Variants in USP43 observed in about 807,000 individuals in gnomAD.
The protein encoded by USP43 is ubiquitin carboxyl-terminal hydrolase 43.
In USP43, 33 loss-of-function variants were observed where a neutral mutation model predicts 90.7. The ratio of observed to expected loss-of-function variants is 0.36; its 90% confidence interval spans 0.28 to 0.49. The LOEUF (loss-of-function observed/expected upper bound fraction) is 0.49, where lower values mean the gene tolerates loss of function less well. Ranked by LOEUF, USP43 falls within the 20% of genes least tolerant of loss-of-function variation. The pLI is 0.98. For missense variants in USP43, 1,274 were observed against 1,476.4 expected (o/e 0.86, Z 2.25); for synonymous variants, 598 against 615.8 (o/e 0.97, Z 0.43).
intron 8 of USP43, among the ~76,000 whole-genome samples, chr17:9,691,998 CACAA>C (rs112376471): frequency 0.04 from 6,101 of 151,046 alleles, 386 homozygotes; most frequent in African/African-American, 0.14. Flanking sequence ...GCTGAGATCA[CACAA>C]CTGCACTCCA....
At chr17:9,682,582 A>G (rs755779005) in intron 6 of USP43, among the ~76,000 whole-genome samples, 2 of 152,206 alleles carry the variant, frequency 1.3e-5, no homozygotes, top group African/African-American at 2.4e-5. Flanking sequence ...TTAAACAAAC[A>G]AAAAACTATT....
rs565303434 is a variant in USP43, at chr17:9,650,963, C to A, written c.504+4827C>A. ...ATGGACACTGGACCCAGCGTGCAGT[C>A]TTTCATCCTTCACCCGTCTCCTACC... On this transcript the variant is annotated intron_variant, in intron 1 of 14. Coordinates refer to ENST00000285199, the MANE Select transcript of USP43 (RefSeq NM_153210.5). Among the ~76,000 whole-genome samples the A allele has an allele frequency of 1.7e-4, 26 of 152,288 alleles. No individual in the cohort carries two copies. The South Asian group carries it at 5.0e-3, about 29-fold the overall frequency.
intron 1 of USP43, among the ~76,000 whole-genome samples, chr17:9,648,534 G>A (rs183087917): frequency 9.8e-5 from 15 of 152,308 alleles, no homozygotes; most frequent in Admixed American, 7.2e-4. Flanking sequence ...TGCTATGACA[G>A]TTACAGCAGG....
In USP43 at chr17:9,728,608, C is replaced by T. The variant is rs376374120; in HGVS notation, c.2990C>T (p.Thr997Ile). ...ELDRPLQGTL[T>I]LLRSVFRKKE... ...GACAGACCCCTGCAGGGGACACTCA[C>T]CCTTCTGAGGTCCGTGTTTCGGAAG... The change falls in exon 15 of 15, where the codon ACC (threonine) becomes ATC (isoleucine). Residue 997 changes from threonine (T) to isoleucine (I), a missense_variant. Physicochemically the swap from Thr to Ile is moderately conservative, Grantham distance 89. Around this residue, in one of 6 missense-constraint regions of USP43, gnomAD observed 353 missense variants for 329.7 expected, o/e 1.07. Coordinates refer to ENST00000285199, the MANE Select transcript of USP43 (RefSeq NM_153210.5). This position sits in a 1 kb window ranked among gnomAD's most constrained non-coding sequence, Gnocchi z 6.2. The T allele has an allele frequency of 2.5e-6, 4 of 1,613,728 alleles. No homozygotes were observed. The highest frequency in any genetic ancestry group is 2.5e-6 in the Non-Finnish European group (3 of 1,179,842).
chr17:9,659,145 CT>C (rs1184635317), intron 2 of USP43, among the ~76,000 whole-genome samples: 2 of 152,178 alleles, frequency 1.3e-5, no homozygotes, highest in Admixed American at 1.3e-4. Context: ...GTCTACTATA[CT>C]GTGTATTCCA....
intron 14 of USP43, among the ~76,000 whole-genome samples, chr17:9,725,383 A>G (rs548458932): frequency 2.0e-5 from 3 of 152,162 alleles, no homozygotes; most frequent in South Asian, 2.1e-4. Context: ...TGTGTTCAGC[A>G]TCTGTCTCCC....
At chr17:9,682,710 C>T in intron 6 of USP43, 113 bp from the exon 7 acceptor site, 10 of 1,375,218 alleles carry the variant, frequency 7.3e-6, no homozygotes, top group Non-Finnish European at 9.7e-6. Context: ...AGTGGCCCCC[C>T]ATTGGTGGTT....
At chr17:9,646,512 G>A (rs1048708744) in intron 1 of USP43, among the ~76,000 whole-genome samples, 14 of 152,150 alleles carry the variant, frequency 9.2e-5, no homozygotes, top group Admixed American at 9.2e-4. Context: ...GAAGGCCAAG[G>A]CCTCAGAGGA....
chr17:9,683,395 G>A (rs893897287), intron 7 of USP43, among the ~76,000 whole-genome samples: 5 of 150,444 alleles, frequency 3.3e-5, no homozygotes, highest in African/African-American at 1.3e-4. Context: ...TTCTTATATA[G>A]CCCAAATAAA....
At chr17:9,655,237 T>G (rs535224530) in intron 1 of USP43, among the ~76,000 whole-genome samples, 84 of 152,136 alleles carry the variant, frequency 5.5e-4, no homozygotes, top group Non-Finnish European at 1.0e-3. Context: ...GAGACTTGGC[T>G]CTGCAGTCTA....
At chr17:9,721,814 C>A (rs1463258285) in intron 14 of USP43, among the ~76,000 whole-genome samples, 1 of 148,902 alleles carries the variant, frequency 6.7e-6, no homozygotes, top group Non-Finnish European at 1.5e-5. Context: ...ACCTCCACCT[C>A]CCAGGTTCAA....
At chr17:9,665,568 G>A (rs1002613287) in intron 2 of USP43, among the ~76,000 whole-genome samples, 3 of 152,176 alleles carry the variant, frequency 2.0e-5, no homozygotes, top group Admixed American at 1.3e-4. Flanking sequence ...CTCCCACCAG[G>A]TCTCTCTCTA....
Position 9,682,949 on chromosome 17 carries a change from A to C in USP43, c.1232A>C (p.Gln411Pro). ...LFCNLVGSGQ[Q>P]ASRFGPPFLI... ...TGTAACTTGGTGGGGTCAGGGCAGC[A>C]GGCTAGCAGGTATGTTTCACTTTAT... The change falls in exon 7 of 15, where the codon CAG becomes CCG. Residue 411 changes from glutamine (Q) to proline (P), a missense_variant. Gln to Pro is a moderately conservative substitution (Grantham distance 76). Around this residue, in one of 6 missense-constraint regions of USP43, gnomAD observed 253 missense variants for 276.0 expected, o/e 0.92. Coordinates refer to ENST00000285199, the MANE Select transcript of USP43 (RefSeq NM_153210.5). The C allele has an allele frequency of 6.2e-7, 1 of 1,613,506 alleles. No individual in the cohort carries two copies. The highest frequency in any genetic ancestry group is 8.5e-7 in the Non-Finnish European group (1 of 1,179,538).
rs1916060235 is a variant in USP43, at chr17:9,709,412, A to C, written c.2012-544A>C. On this transcript the variant is annotated intron_variant, in intron 12 of 14. Transcript: ENST00000285199. This position sits in a 1 kb window ranked among gnomAD's most constrained non-coding sequence, Gnocchi z 5.0. ...TGCCTGATGAAGGGGTAGAATATTCAACTTAAAATAACAGCACTCTTGGCC... is the reference window on the plus strand; with the variant it reads ...TGCCTGATGAAGGGGTAGAATATTCCACTTAAAATAACAGCACTCTTGGCC... 1.3e-5 allele frequency among the ~76,000 whole-genome samples: 2 copies of C among 152,106 alleles called. No homozygotes were observed. Among genetic ancestry groups the C allele is most frequent in the South Asian group, 4.2e-4 (2 of 4,814 alleles).
At position 9,701,224 on chromosome 17, in the gene USP43, G is replaced by T; in HGVS notation, c.1641G>T (p.Gln547His). The T allele has an allele frequency of 6.2e-7, 1 of 1,605,402 alleles. No individual in the cohort carries two copies. The highest frequency in any genetic ancestry group is 8.5e-7 in the Non-Finnish European group (1 of 1,175,626). The change falls in exon 11 of 15, where the codon CAG becomes CAT. Residue 547 changes from glutamine (Q) to histidine (H), a missense_variant. Physicochemically the swap from Gln to His is conservative, Grantham distance 24. Transcript: ENST00000285199. This position sits in a 1 kb window ranked among gnomAD's most constrained non-coding sequence, Gnocchi z 7.2. ...QHSCTLDECF[Q>H]FYTKEEQLAQ... ...GCTGTACCTTGGATGAATGTTTTCA[G>T]TTCTACACCAAGGAGGAGCAGGTCC... is the stretch of plus-strand genomic sequence containing the variant.
intron 10 of USP43, among the ~76,000 whole-genome samples, 194 bp from the exon 11 acceptor site, chr17:9,700,925 G>T (rs866902269): frequency 6.6e-6 from 1 of 152,204 alleles, no homozygotes; most frequent in Non-Finnish European, 1.5e-5. Flanking sequence ...AGGAGCTGGT[G>T]GGGGAGAGAG....
chr17:9,700,342 A>C, intron 10 of USP43, 93 bp downstream of exon 10: 2 of 1,253,152 alleles, frequency 1.6e-6, no homozygotes, highest in Non-Finnish European at 2.2e-6. Flanking sequence ...GCACGGCTGC[A>C]GGCAGGGTGC....
At position 9,700,168 on chromosome 17, in the gene USP43, T is replaced by C; in HGVS notation, c.1458-4T>C. 6.2e-7 allele frequency: 1 copy of C among 1,600,254 alleles called. No individual in the cohort carries two copies. The highest frequency in any genetic ancestry group is 8.5e-7 in the Non-Finnish European group (1 of 1,173,770). ...TCTGATGGGCTCCCTTGTTCTCTTCTCAGGGTTTTGCATCTCAGGAGGCCA... is the reference window on the plus strand; with the variant it reads ...TCTGATGGGCTCCCTTGTTCTCTTCCCAGGGTTTTGCATCTCAGGAGGCCA... On this transcript the variant is annotated splice_polypyrimidine_tract_variant and splice_region_variant and intron_variant, in intron 9 of 14. Coordinates refer to ENST00000285199, the MANE Select transcript of USP43 (RefSeq NM_153210.5).
intron 3 of USP43, among the ~76,000 whole-genome samples, chr17:9,673,672 A>G (rs1004236921): frequency 6.6e-6 from 1 of 152,256 alleles, no homozygotes; most frequent in Admixed American, 6.5e-5. Context: ...CAGGAATGAT[A>G]TGAGCACGGA....
Sources: gnomAD v4.1 joint callset for allele counts (sites outside exome capture counted in the v4.1 genomes callset) on GRCh38, gnomAD v4.1.1 for gene constraint, gnomAD v4.1.1 regional missense constraint, Gnocchi (gnomAD v3.1) non-coding constraint, MANE v1.5 for transcripts, NCBI Gene and HGNC (gene_info 2026-07-23, HGNC 2026-07-21) for gene names.